Variants in REEP3 observed in about 807,000 individuals in gnomAD.
REEP3 encodes receptor expression-enhancing protein 3.
A neutral mutation model predicts 41.3 loss-of-function variants in REEP3; 20 were observed. That is an observed-to-expected ratio of 0.48 (90% CI 0.34 to 0.70). REEP3 has a LOEUF of 0.70. Ranked by LOEUF, REEP3 falls within the 30% of genes least tolerant of loss-of-function variation. The probability of loss-of-function intolerance (pLI) is 0.01; values close to 1 mark genes in which losing one functional copy is unlikely to be tolerated. For missense variants in REEP3, 271 were observed against 308.8 expected (o/e 0.88, Z 0.92); for synonymous variants, 104 against 101.8 (o/e 1.02, Z -0.13).
chr10:63,600,331 TA>T (rs1956160886), intron 5 of REEP3, among the ~76,000 whole-genome samples: 2 of 152,300 alleles, frequency 1.3e-5, no homozygotes, highest in South Asian at 4.1e-4. Context: ...ATTATATACC[TA>T]ATAGCATTAC....
chr10:63,549,226 T>C (rs1457933833), intron 1 of REEP3, among the ~76,000 whole-genome samples: 3 of 152,166 alleles, frequency 2.0e-5, no homozygotes, highest in Non-Finnish European at 4.4e-5. Context: ...TAAAGAACTA[T>C]GTCTCATTTA....
intron 1 of REEP3, among the ~76,000 whole-genome samples, chr10:63,545,595 G>A (rs908965786): frequency 4.6e-5 from 7 of 151,018 alleles, no homozygotes; most frequent in East Asian, 3.9e-4. Flanking sequence ...GGATGGTCTC[G>A]ATCTCTTGAC....
Position 63,556,634 on chromosome 10 carries a change from GTTTTTTT to G in REEP3, c.33-9691_33-9685del, listed in dbSNP as rs370073734. Among the ~76,000 whole-genome samples the G allele has an allele frequency of 2.5e-5, 2 of 78,564 alleles. 1 individual carries two copies. The highest frequency in any genetic ancestry group is 3.3e-4 in the Admixed American group (2 of 6,112). 51.5% of individuals were successfully genotyped at this position (78,564 alleles called of 152,430 possible). On this transcript the variant is annotated intron_variant, in intron 1 of 7. Coordinates refer to ENST00000373758, the MANE Select transcript of REEP3 (RefSeq NM_001001330.3). Reference sequence around the variant, plus strand: ...TGCTTGTTTTTTTTTTTGTTGTTTTGTTTTTTTTTTTTTTTTTTTGAGACGGAGTCTC... The same window carrying G: ...TGCTTGTTTTTTTTTTTGTTGTTTTGTTTTTTTTTTTTGAGACGGAGTCTC...
At chr10:63,586,626 G>GA (rs958793782) in intron 2 of REEP3, among the ~76,000 whole-genome samples, 11 of 151,646 alleles carry the variant, frequency 7.3e-5, no homozygotes, top group South Asian at 4.2e-4. Flanking sequence ...CAAATAATTA[G>GA]AAAAAAAATG....
chr10:63,551,045 T>G (rs887842774), intron 1 of REEP3, among the ~76,000 whole-genome samples: 4 of 152,172 alleles, frequency 2.6e-5, no homozygotes, highest in African/African-American at 4.8e-5. Context: ...ACTCCAGTAG[T>G]ACAAGAATAG....
intron 2 of REEP3, among the ~76,000 whole-genome samples, chr10:63,574,849 T>A (rs982141181): frequency 1.8e-4 from 3 of 17,138 alleles, no homozygotes; most frequent in East Asian, 7.9e-3. Flanking sequence ...GTCAATTTCT[T>A]TTTTTTTTTT....
chr10:63,551,382 G>T lies in REEP3; in HGVS notation c.33-14956G>T, dbSNP rs538133895. Among the ~76,000 whole-genome samples, 3 of 152,164 alleles carry T rather than the reference G, an allele frequency of 2.0e-5. No individual in the cohort carries two copies. The East Asian group carries it at 5.8e-4, about 29-fold the overall frequency. On this transcript the variant is annotated intron_variant, in intron 1 of 7. Transcript: ENST00000373758. ...TAAATAAATGAATACAGGAGAATAG[G>T]TAAATCTCTCCTGGAGAAGAATCCA... is the stretch of plus-strand genomic sequence containing the variant.
intron 5 of REEP3, among the ~76,000 whole-genome samples, chr10:63,607,863 T>G (rs1332085633): frequency 6.6e-6 from 1 of 152,162 alleles, no homozygotes; most frequent in Non-Finnish European, 1.5e-5. Flanking sequence ...ATACCAAAGT[T>G]TGGGGATGAT....
intron 1 of REEP3, among the ~76,000 whole-genome samples, chr10:63,564,376 A>G (rs939519354): frequency 7.2e-5 from 11 of 152,304 alleles, no homozygotes; most frequent in African/African-American, 2.4e-4. Context: ...TAATCCCAGC[A>G]CTTTGGGAGG....
chr10:63,605,254 A>G (rs1956213588), intron 5 of REEP3, among the ~76,000 whole-genome samples: 1 of 152,236 alleles, frequency 6.6e-6, no homozygotes, highest in Non-Finnish European at 1.5e-5. Context: ...GTTCTTCAGT[A>G]AATACGTATT....
chr10:63,586,056 C>T (rs576270936), intron 2 of REEP3, among the ~76,000 whole-genome samples: 68 of 152,254 alleles, frequency 4.5e-4, no homozygotes, highest in African/African-American at 1.5e-3. Flanking sequence ...GAAGCTAACT[C>T]TTCATTTGGC....
At chr10:63,529,567 A>G (rs991248755) in intron 1 of REEP3, among the ~76,000 whole-genome samples, 1 of 152,040 alleles carries the variant, frequency 6.6e-6, no homozygotes, top group Admixed American at 6.6e-5. Flanking sequence ...AGCTCAAGCA[A>G]TCCTCCTACC....
At chr10:63,566,894 G>T (rs1955804372) in intron 2 of REEP3, among the ~76,000 whole-genome samples, 1 of 151,892 alleles carries the variant, frequency 6.6e-6, no homozygotes, top group Admixed American at 6.6e-5. Context: ...TAATTATTTT[G>T]CTTTGATTTG....
chr10:63,521,551 G>T lies in REEP3; in HGVS notation c.6G>T (p.Val2=). 1 of 1,432,664 alleles carries T rather than the reference G, an allele frequency of 7.0e-7. No individual in the cohort carries two copies. Among genetic ancestry groups the T allele is most frequent in the Non-Finnish European group, 9.2e-7 (1 of 1,081,538 alleles). 88.7% of individuals were successfully genotyped at this position (1,432,664 alleles called of 1,614,324 possible). A position where few individuals can be genotyped will look rare whatever the true frequency, so the allele number is the denominator to read the frequency against. The change falls in exon 1 of 8, where the codon GTG becomes GTT. Residue 2 remains valine, a synonymous_variant. Coordinates refer to ENST00000373758, the MANE Select transcript of REEP3 (RefSeq NM_001001330.3). M[V]SWMISRAVVL... Reference sequence around the variant, plus strand: ...GGGCCCAAGCCCCCGTGAAGATGGTGTCCTGGATGATCTCCAGAGCCGTGG... The same window carrying T: ...GGGCCCAAGCCCCCGTGAAGATGGTTTCCTGGATGATCTCCAGAGCCGTGG...
chr10:63,577,574 G>C (rs781623683), intron 2 of REEP3, among the ~76,000 whole-genome samples: 3 of 151,818 alleles, frequency 2.0e-5, no homozygotes, highest in Non-Finnish European at 4.4e-5. Context: ...CAGGCACATG[G>C]CACCACATCT....
At chr10:63,545,129 ATTGT>A (rs909485050) in intron 1 of REEP3, among the ~76,000 whole-genome samples, 8 of 152,180 alleles carry the variant, frequency 5.3e-5, no homozygotes, top group Non-Finnish European at 8.8e-5. Context: ...TGCTTTTTAA[ATTGT>A]TTGTGGTGAT....
At chr10:63,567,757 A>G (rs1053006188) in intron 2 of REEP3, among the ~76,000 whole-genome samples, 5 of 152,138 alleles carry the variant, frequency 3.3e-5, no homozygotes, top group African/African-American at 1.2e-4. Flanking sequence ...AATTGGTCAA[A>G]TGAACAGAGA....
intron 6 of REEP3, among the ~76,000 whole-genome samples, chr10:63,612,554 G>A (rs1956284088): frequency 1.3e-5 from 2 of 152,130 alleles, no homozygotes; most frequent in Admixed American, 1.3e-4. Context: ...ACTTTGGGAG[G>A]CCGAGGCAGG....
intron 1 of REEP3, among the ~76,000 whole-genome samples, chr10:63,565,970 C>T (rs994045784): frequency 1.5e-4 from 22 of 150,824 alleles, no homozygotes; most frequent in African/African-American, 5.4e-4. Context: ...CTGCAAGCTC[C>T]GTCCCCTGGG....
Sources: gnomAD v4.1 joint callset for allele counts (sites outside exome capture counted in the v4.1 genomes callset) on GRCh38, gnomAD v4.1.1 for gene constraint, MANE v1.5 for transcripts, NCBI Gene and HGNC (gene_info 2026-07-23, HGNC 2026-07-21) for gene names.